Variants in MTAP observed in about 807,000 individuals in gnomAD.
MTAP encodes the protein methylthioadenosine phosphorylase, also known as S-methyl-5'-thioadenosine phosphorylase.
A neutral mutation model predicts 33.6 loss-of-function variants in MTAP; 33 were observed. The ratio of observed to expected loss-of-function variants is 0.98; its 90% CI spans 0.74 to 1.31. MTAP has a LOEUF of 1.31. MTAP is among the 40% of genes most tolerant of loss of function. MTAP has a pLI of 0.00. For synonymous variants in MTAP, 148 were observed against 125.7 expected, an observed-to-expected ratio of 1.18 and a Z score of -1.19; for missense variants, 367 against 360.0, an observed-to-expected ratio of 1.02 and a Z score of -0.16.
chr9:21,917,854 G>A (rs1353025925), intron 1 of MTAP, among the ~76,000 whole-genome samples: 1 of 152,148 alleles, frequency 6.6e-6, no homozygotes, highest in Non-Finnish European at 1.5e-5. Flanking sequence ...CCCATCGACC[G>A]AGTTGATAAT....
At chr9:21,847,371 A>T (rs1180118777) in intron 5 of MTAP, among the ~76,000 whole-genome samples, 1 of 152,186 alleles carries the variant, frequency 6.6e-6, no homozygotes, top group Non-Finnish European at 1.5e-5. Flanking sequence ...AATATTAAGG[A>T]TGGAGTTCTT....
At chr9:21,849,317 A>G (rs1361471515) in intron 5 of MTAP, among the ~76,000 whole-genome samples, 1 of 152,196 alleles carries the variant, frequency 6.6e-6, no homozygotes, top group African/African-American at 2.4e-5. Context: ...TTCAGGGACT[A>G]CTGGACACTG....
At position 21,864,649 on chromosome 9, in the gene MTAP, G is replaced by C; in HGVS notation, c.*2635G>C. On this transcript the variant is annotated 3_prime_UTR_variant, in exon 8 of 8. Coordinates refer to ENST00000644715, the MANE Select transcript of MTAP (RefSeq NM_002451.4). ...ACTGCCCCCTTCGCTAGCACGAGTTGCTGTGCAGGGCTGGAGGTAGCTACC... is the reference window on the plus strand; with the variant it reads ...ACTGCCCCCTTCGCTAGCACGAGTTCCTGTGCAGGGCTGGAGGTAGCTACC... 1 of 985,478 alleles carries C rather than the reference G, an allele frequency of 1.0e-6. No individual in the cohort carries two copies. Among genetic ancestry groups the C allele is most frequent in the Non-Finnish European group, 1.2e-6 (1 of 829,998 alleles). The allele number at this position is 985,478 out of a possible 1,614,324, so 61.0% of individuals were successfully genotyped here.
intron 4 of MTAP, among the ~76,000 whole-genome samples, chr9:21,822,665 A>C (rs1353948626): frequency 6.6e-5 from 10 of 151,930 alleles, no homozygotes; most frequent in African/African-American, 1.2e-4. Flanking sequence ...GCAGAGCTGA[A>C]TTCAATTCCT....
chr9:21,862,282 C>A lies in MTAP; in HGVS notation c.*268C>A. The A allele has an allele frequency of 1.6e-6, 1 of 641,896 alleles. No individual in the cohort carries two copies. Among genetic ancestry groups the A allele is most frequent in the South Asian group, 4.1e-5 (1 of 24,352 alleles). 39.8% of individuals were successfully genotyped at this position (641,896 alleles called of 1,614,324 possible). A position where few individuals can be genotyped will look rare whatever the true frequency, so the allele number is the denominator to read the frequency against. On this transcript the variant is annotated 3_prime_UTR_variant, in exon 8 of 8. Transcript: ENST00000644715. ...AAGGGGGAAAAAAAAACCCACCATTCTCTTCTCCCCCTATTAAATTTGCAA... is the reference window on the plus strand; with the variant it reads ...AAGGGGGAAAAAAAAACCCACCATTATCTTCTCCCCCTATTAAATTTGCAA...
intron 1 of MTAP, among the ~76,000 whole-genome samples, chr9:21,912,649 A>G (rs890027610): frequency 5.9e-5 from 9 of 152,346 alleles, no homozygotes; most frequent in African/African-American, 2.2e-4. Flanking sequence ...AATAAGAGCT[A>G]TTTATGACAA....
rs931929659 is a variant in MTAP at position 21,854,818 on chromosome 9, C to A, written c.638C>A (p.Ala213Glu). ...VLAKEAGICY[A>E]SIAMATDYDC... is the part of the protein sequence containing the mutation. ...GCTAAGGAGGCTGGAATTTGTTACG[C>A]AAGTATCGCCATGGCGACAGATTAT... is the stretch of plus-strand genomic sequence containing the variant. The change falls in exon 6 of 8, where the codon GCA becomes GAA. Residue 213 changes from alanine (A) to glutamate (E), a missense_variant. Transcript: ENST00000644715. The A allele has an allele frequency of 6.2e-7, 1 of 1,614,018 alleles. No individual in the cohort carries two copies. The highest frequency in any genetic ancestry group is 1.3e-5 in the African/African-American group (1 of 74,920).
chr9:21,803,001 C>G (rs1048774332), intron 1 of MTAP: 1 of 890,340 alleles, frequency 1.1e-6, no homozygotes, highest in Non-Finnish European at 1.5e-6. Flanking sequence ...CACACACACA[C>G]ACACACACAC....
chr9:21,905,861 T>C (rs546604431), intron 1 of MTAP, among the ~76,000 whole-genome samples: 1 of 152,274 alleles, frequency 6.6e-6, no homozygotes, highest in African/African-American at 2.4e-5. Context: ...TCCTAGAAAA[T>C]ACTGCAAAGG....
intron 1 of MTAP, among the ~76,000 whole-genome samples, chr9:21,814,563 A>T (rs866712595): frequency 9.9e-5 from 15 of 152,098 alleles, no homozygotes; most frequent in South Asian, 4.1e-4. Flanking sequence ...GTTAATTTTT[A>T]TTTATTTTTG....
chr9:21,938,687 A>T (rs1441073538), downstream of MTAP, among the ~76,000 whole-genome samples: 4 of 152,146 alleles, frequency 2.6e-5, no homozygotes, highest in Non-Finnish European at 4.4e-5. Flanking sequence ...ATTATAATGA[A>T]CTTTCATCAG....
At chr9:21,875,226 A>G (rs1468007318) in intron 1 of MTAP, among the ~76,000 whole-genome samples, 3 of 151,994 alleles carry the variant, frequency 2.0e-5, no homozygotes, top group East Asian at 1.9e-4. Context: ...TGGTATTTCT[A>G]GTTCTAGATC....
chr9:21,825,004 C>T (rs560303415), intron 4 of MTAP, among the ~76,000 whole-genome samples: 1 of 152,274 alleles, frequency 6.6e-6, no homozygotes, highest in East Asian at 1.9e-4. Flanking sequence ...TCTGTCACCC[C>T]TTCCCTTTGC....
intron 1 of MTAP, chr9:21,803,322 T>G (rs186099020): frequency 1.7e-3 from 305 of 184,830 alleles, no homozygotes; most frequent in Admixed American, 2.8e-3. Flanking sequence ...GCTTCCGGCT[T>G]CTTTTTCCTC....
chr9:21,837,388 G>A (rs1039281003), intron 4 of MTAP, among the ~76,000 whole-genome samples: 5 of 152,144 alleles, frequency 3.3e-5, no homozygotes, highest in Admixed American at 1.3e-4. Context: ...CAAAGCAACT[G>A]TTTAAAAACA....
chr9:21,816,820 A>G (rs766921630), intron 3 of MTAP, 48 bp downstream of exon 3: 1 of 1,494,996 alleles, frequency 6.7e-7, no homozygotes, highest in Non-Finnish European at 9.2e-7. Context: ...GGATAATTTA[A>G]ATTTAACTTA....
chr9:21,941,054 T>A, downstream of MTAP: 1 of 929,204 alleles, frequency 1.1e-6, no homozygotes, highest in Non-Finnish European at 1.3e-6. Context: ...TATTTGATTT[T>A]CAAACTCTGC....
At chr9:21,921,114 C>G (rs1435847904) in intron 1 of MTAP, among the ~76,000 whole-genome samples, 4 of 151,812 alleles carry the variant, frequency 2.6e-5, no homozygotes, top group Admixed American at 1.3e-4. Context: ...CTTTATGATT[C>G]AATCTTAGTA....
At chr9:21,924,066 C>G (rs1332486378) in intron 1 of MTAP, among the ~76,000 whole-genome samples, 2 of 152,180 alleles carry the variant, frequency 1.3e-5, no homozygotes, top group African/African-American at 2.4e-5. Flanking sequence ...TAGGGGACCC[C>G]TGTTCACTTG....
Sources: gnomAD v4.1 joint callset for allele counts (sites outside exome capture counted in the v4.1 genomes callset) on GRCh38, gnomAD v4.1.1 for gene constraint, MANE v1.5 for transcripts, NCBI Gene and HGNC (gene_info 2026-07-23, HGNC 2026-07-21) for gene names.